The following NSMCE2 variants were observed in gnomAD, a reference collection of about 807,000 sequenced individuals.
NSMCE2 encodes E3 SUMO-protein ligase NSE2.
NSMCE2 carries 24 observed loss-of-function variants against 23.8 expected under a neutral mutation model. The observed-to-expected ratio is 1.01, with a 90% CI of 0.73 to 1.42. NSMCE2 has a LOEUF of 1.42. Ranked by LOEUF, NSMCE2 falls within the 40% of genes most tolerant of loss-of-function variation. The pLI is 0.00. For missense variants in NSMCE2, 284 were observed against 296.5 expected, an observed-to-expected ratio of 0.96 and a Z score of 0.31; for synonymous variants, 92 against 94.1, an observed-to-expected ratio of 0.98 and a Z score of 0.13.
chr8:125,345,436 A>G (rs1281051383), intron 5 of NSMCE2, among the ~76,000 whole-genome samples: 2 of 152,232 alleles, frequency 1.3e-5, no homozygotes, highest in Non-Finnish European at 2.9e-5. Context: ...TTTGTACATG[A>G]CAGTATTCAA....
intron 5 of NSMCE2, among the ~76,000 whole-genome samples, chr8:125,192,723 T>G (rs916004460): frequency 1.3e-5 from 2 of 152,168 alleles, no homozygotes; most frequent in African/African-American, 4.8e-5. Context: ...ATAATGGAAA[T>G]CGAAAGACCT....
chr8:125,199,372 A>C (rs553007253), intron 5 of NSMCE2, among the ~76,000 whole-genome samples: 3 of 152,344 alleles, frequency 2.0e-5, no homozygotes, highest in Admixed American at 2.0e-4. Context: ...AGATTCTGGT[A>C]CGTTGTATCT....
At chr8:125,233,294 G>A (rs1825408147) in intron 5 of NSMCE2, among the ~76,000 whole-genome samples, 1 of 152,098 alleles carries the variant, frequency 6.6e-6, no homozygotes, top group Admixed American at 6.5e-5. Flanking sequence ...AATTTTTAAA[G>A]CACGGTAAAT....
At chr8:125,338,528 C>G (rs574808231) in intron 5 of NSMCE2, among the ~76,000 whole-genome samples, 109 of 152,294 alleles carry the variant, frequency 7.2e-4, no homozygotes, top group Admixed American at 3.4e-3. Context: ...GAATAGAAAA[C>G]CAATGGTCCT....
rs116057166 is a variant in NSMCE2 at position 125,337,144 on chromosome 8, C to T, written c.419-20075C>T. Among the ~76,000 whole-genome samples the T allele has an allele frequency of 1.7e-3, 258 of 152,228 alleles. 1 individual carries two copies. The highest frequency in any genetic ancestry group is 5.7e-3 in the African/African-American group (238 of 41,544). The stretch of plus-strand genomic sequence containing the variant: ...ATTAGGTTTCTGTAGTCTTGAGGTA[C>T]GGAAAGAATGGGCAAACATTTGCCC... On this transcript the variant is annotated intron_variant, in intron 5 of 7. Coordinates refer to ENST00000287437, the MANE Select transcript of NSMCE2 (RefSeq NM_173685.4).
intron 3 of NSMCE2, among the ~76,000 whole-genome samples, chr8:125,132,217 C>T (rs10111234): frequency 0.047 from 7,175 of 152,010 alleles, 567 homozygotes; most frequent in African/African-American, 0.16. Flanking sequence ...TCCACCTCAG[C>T]TTCCTGAGTA....
chr8:125,366,959 C>A lies in NSMCE2; in HGVS notation c.*74C>A. The A allele has an allele frequency of 1.2e-6, 1 of 841,450 alleles. No individual in the cohort carries two copies. The highest frequency in any genetic ancestry group is 2.0e-6 in the Non-Finnish European group (1 of 493,834). 52.1% of individuals were successfully genotyped at this position (841,450 alleles called of 1,614,324 possible). A position where few individuals can be genotyped will look rare whatever the true frequency, so the allele number is the denominator to read the frequency against. On this transcript the variant is annotated 3_prime_UTR_variant, in exon 8 of 8. Transcript: ENST00000287437. The stretch of plus-strand genomic sequence containing the variant: ...GCTGTCTGTTGAGAGCAGTGCTGAC[C>A]CCAGCAGTTAGGGACTGGCTGCATA...
intron 5 of NSMCE2, among the ~76,000 whole-genome samples, chr8:125,329,114 G>A (rs1829781603): frequency 6.6e-6 from 1 of 152,182 alleles, no homozygotes; most frequent in Non-Finnish European, 1.5e-5. Flanking sequence ...ATCAAGGTAG[G>A]ACCTCATGCT....
At chr8:125,222,975 T>C (rs533804309) in intron 5 of NSMCE2, among the ~76,000 whole-genome samples, 1 of 152,160 alleles carries the variant, frequency 6.6e-6, no homozygotes, top group South Asian at 2.1e-4. Context: ...GGTGGGAGGA[T>C]CGTTTGAGCC....
intron 5 of NSMCE2, among the ~76,000 whole-genome samples, chr8:125,213,536 TCTCCCCTCCA>T (rs1424915454): frequency 1.8e-4 from 6 of 33,784 alleles, no homozygotes; most frequent in Admixed American, 6.3e-4. Flanking sequence ...TCTCCTCTCC[TCTCCCCTCCA>T]CTCCCCTCCC....
At chr8:125,204,698 G>C (rs545522584) in intron 5 of NSMCE2, among the ~76,000 whole-genome samples, 17 of 152,154 alleles carry the variant, frequency 1.1e-4, no homozygotes, top group South Asian at 1.0e-3. Context: ...TGCAGAGATG[G>C]GTAAGAATTA....
rs201824679 is a variant in NSMCE2 at position 125,182,118 on chromosome 8, C to G, written c.280C>G (p.Pro94Ala). The G allele has an allele frequency of 1.3e-6, 2 of 1,595,010 alleles. No individual in the cohort carries two copies. Among genetic ancestry groups the G allele is most frequent in the Non-Finnish European group, 1.7e-6 (2 of 1,173,456 alleles). ...STINHVKEER[P>A]EKIPDLKLLV... Reference sequence around the variant, plus strand: ...TCTCCCTTAGGTGAAAGAAGAACGTCCAGAAAAAATACCAGATTTAAAATT... The same window carrying G: ...TCTCCCTTAGGTGAAAGAAGAACGTGCAGAAAAAATACCAGATTTAAAATT... The change falls in exon 5 of 8, where the codon CCA becomes GCA. Residue 94 changes from proline (P) to alanine (A), a missense_variant. Physicochemically the swap from Pro to Ala is conservative, Grantham distance 27. Coordinates refer to ENST00000287437, the MANE Select transcript of NSMCE2 (RefSeq NM_173685.4).
At chr8:125,170,798 C>A (rs558772318) in intron 4 of NSMCE2, among the ~76,000 whole-genome samples, 1 of 152,294 alleles carries the variant, frequency 6.6e-6, no homozygotes, top group African/African-American at 2.4e-5. Context: ...GCCATCATCA[C>A]TTTTTACCTG....
At chr8:125,259,382 C>T (rs1447385262) in intron 5 of NSMCE2, among the ~76,000 whole-genome samples, 2 of 152,308 alleles carry the variant, frequency 1.3e-5, no homozygotes, top group South Asian at 2.1e-4. Context: ...CACTTTCTGT[C>T]AGATCAGCGG....
chr8:125,257,336 A>G (rs181685307), intron 5 of NSMCE2, among the ~76,000 whole-genome samples: 61 of 151,880 alleles, frequency 4.0e-4, no homozygotes, highest in African/African-American at 1.4e-3. Context: ...CACAAAAGAG[A>G]TGGGAAAAGA....
chr8:125,133,772 A>AAACC (rs1819900167), intron 3 of NSMCE2, among the ~76,000 whole-genome samples: 1 of 151,266 alleles, frequency 6.6e-6, no homozygotes, highest in African/African-American at 2.5e-5. Flanking sequence ...TCAAAAAACA[A>AAACC]AAACCAAAAC....
At chr8:125,182,320 C>A in intron 5 of NSMCE2, 64 bp downstream of exon 5, 1 of 1,192,348 alleles carries the variant, frequency 8.4e-7, no homozygotes, top group Non-Finnish European at 1.2e-6. Flanking sequence ...TGATGAACAG[C>A]CCCAGTTAAC....
At chr8:125,222,724 C>T (rs1346386483) in intron 5 of NSMCE2, among the ~76,000 whole-genome samples, 3 of 152,120 alleles carry the variant, frequency 2.0e-5, no homozygotes, top group African/African-American at 7.2e-5. Flanking sequence ...GCTAGTATTC[C>T]ATTGTATATG....
intron 5 of NSMCE2, among the ~76,000 whole-genome samples, chr8:125,288,676 C>T (rs989918852): frequency 6.6e-6 from 1 of 152,136 alleles, no homozygotes; most frequent in Non-Finnish European, 1.5e-5. Context: ...GGCCTCATTG[C>T]CCCTTTAGTT....
Sources: gnomAD v4.1 joint callset for allele counts (sites outside exome capture counted in the v4.1 genomes callset) on GRCh38, gnomAD v4.1.1 for gene constraint, MANE v1.5 for transcripts, NCBI Gene and HGNC (gene_info 2026-07-23, HGNC 2026-07-21) for gene names.